Variants in WIPF3 observed in about 807,000 individuals in gnomAD.
The protein encoded by WIPF3 is WAS/WASL-interacting protein family member 3.
A neutral mutation model predicts 38.9 loss-of-function variants in WIPF3; 33 were observed. That is an observed-to-expected ratio of 0.85 (90% CI 0.64 to 1.14). The LOEUF is 1.14. Ranked by LOEUF, WIPF3 falls within the 50% of genes most tolerant of loss-of-function variation. The pLI is 0.00. For missense variants in WIPF3, 711 were observed against 652.5 expected (o/e 1.09, Z -0.98); for synonymous variants, 324 against 269.3 (o/e 1.20, Z -1.99).
chr7:29,813,230 G>T (rs1222941254), intron 1 of WIPF3, among the ~76,000 whole-genome samples: 3 of 152,102 alleles, frequency 2.0e-5, no homozygotes, highest in African/African-American at 7.2e-5. Flanking sequence ...ACTCATGTGG[G>T]TCCCCAAATT....
chr7:29,884,421 C>T lies in WIPF3; in HGVS notation c.927C>T (p.Pro309=). 1.3e-6 allele frequency: 2 copies of T among 1,519,992 alleles called. No homozygotes were observed. Among genetic ancestry groups the T allele is most frequent in the East Asian group, 2.6e-5 (1 of 38,216 alleles). 94.2% of individuals were successfully genotyped at this position (1,519,992 alleles called of 1,614,324 possible). The change falls in exon 5 of 9, where the codon CCC becomes CCT. Residue 309 remains proline (P), a synonymous_variant. Coordinates refer to ENST00000242140, the MANE Select transcript of WIPF3 (RefSeq NM_001080529.3). The stretch of plus-strand genomic sequence containing the variant: ...CTTGCTCCCCGAGGGCTTCTTTGCC[C>T]GCGCCCCCTTTGCCAGGAGTTAATA... ...YASCSPRASL[P]APPLPGVNSS...
intron 7 of WIPF3, among the ~76,000 whole-genome samples, chr7:29,899,438 G>A (rs941765576): frequency 1.1e-4 from 17 of 152,102 alleles, no homozygotes; most frequent in Admixed American, 6.5e-5. Context: ...GTCTGCCTCC[G>A]CAGTACAGTG....
chr7:29,826,428 T>A (rs952324064), intron 1 of WIPF3, among the ~76,000 whole-genome samples: 1 of 152,188 alleles, frequency 6.6e-6, no homozygotes, highest in Non-Finnish European at 1.5e-5. Flanking sequence ...CACCCTCCAC[T>A]GGAGTTTGGT....
At chr7:29,903,148 G>A (rs942659617) in intron 7 of WIPF3, among the ~76,000 whole-genome samples, 1 of 152,000 alleles carries the variant, frequency 6.6e-6, no homozygotes, top group African/African-American at 2.4e-5. Flanking sequence ...TTAAAAGTTA[G>A]CTGAATGTGG....
intron 2 of WIPF3, among the ~76,000 whole-genome samples, chr7:29,850,931 A>T (rs1265910686): frequency 1.3e-5 from 2 of 152,182 alleles, no homozygotes; most frequent in East Asian, 3.8e-4. Flanking sequence ...TGGAAATAAT[A>T]ATACCTTTAT....
chr7:29,893,258 G>A (rs1418302474), intron 7 of WIPF3, among the ~76,000 whole-genome samples: 1 of 152,088 alleles, frequency 6.6e-6, no homozygotes, highest in African/African-American at 2.4e-5. Context: ...TCAGGGGGAG[G>A]TGATGGGATT....
chr7:29,903,332 C>A (rs186416579), intron 7 of WIPF3, among the ~76,000 whole-genome samples: 2 of 152,158 alleles, frequency 1.3e-5, no homozygotes, highest in African/African-American at 4.8e-5. Context: ...AATAAAAAAA[C>A]AGGTGCTTAG....
In WIPF3 at chr7:29,858,451, T is replaced by C. The variant is rs1209285382; in HGVS notation, c.91-17379T>C. 3.9e-5 allele frequency among the ~76,000 whole-genome samples: 6 copies of C among 152,192 alleles called. No individual in the cohort carries two copies. The East Asian group carries it at 1.2e-3, about 29-fold the overall frequency. ...CAGCCCACACCACTCTCATTACATA[T>C]AGCCTCAATCAGCAGGCCTAATTTT... On this transcript the variant is annotated intron_variant, in intron 2 of 8. Transcript: ENST00000242140.
intron 2 of WIPF3, among the ~76,000 whole-genome samples, chr7:29,842,645 G>T (rs1784931236): frequency 6.6e-6 from 1 of 152,228 alleles, no homozygotes; most frequent in East Asian, 1.9e-4. Context: ...ACATGCTGGG[G>T]TGCATGCAGT....
chr7:29,863,145 A>C (rs1179813809), intron 2 of WIPF3, among the ~76,000 whole-genome samples: 3 of 152,206 alleles, frequency 2.0e-5, no homozygotes, highest in Non-Finnish European at 4.4e-5. Context: ...ACACATGCAT[A>C]GATTTATGTA....
chr7:29,814,334 G>A (rs1410364207), intron 1 of WIPF3, among the ~76,000 whole-genome samples: 2 of 152,064 alleles, frequency 1.3e-5, no homozygotes, highest in African/African-American at 2.4e-5. Context: ...GTAACCTTCA[G>A]TAAGTGTTAC....
rs1784577302 is a variant in WIPF3, at chr7:29,823,903, A to G, written c.-57-10765A>G. ...TTCCCTGAGGCCTCCCCAGAAGCAG[A>G]TGCCGTTATGCTTCCTGTACAGCCT... On this transcript the variant is annotated intron_variant, in intron 1 of 8. Transcript: ENST00000242140. This position sits in a 1 kb window ranked among gnomAD's most constrained non-coding sequence, Gnocchi z 4.0. Among the ~76,000 whole-genome samples the G allele has an allele frequency of 6.6e-6, 1 of 152,192 alleles. No individual in the cohort carries two copies.
chr7:29,908,510 T>C (rs6462185), intron 8 of WIPF3, among the ~76,000 whole-genome samples: 72,122 of 152,016 alleles, frequency 0.47, 18,713 homozygotes, highest in East Asian at 0.78. Flanking sequence ...TACAGTACAG[T>C]CTACCCAACA....
At chr7:29,902,200 T>C (rs563375709) in intron 7 of WIPF3, among the ~76,000 whole-genome samples, 5 of 151,354 alleles carry the variant, frequency 3.3e-5, no homozygotes, top group Non-Finnish European at 5.9e-5. Context: ...CTAAGAACAG[T>C]CATTTCCAAG....
At chr7:29,888,512 T>TGTGTGTGC (rs1554348007) in intron 6 of WIPF3, among the ~76,000 whole-genome samples, 11 of 145,382 alleles carry the variant, frequency 7.6e-5, no homozygotes, top group Admixed American at 2.7e-4. Flanking sequence ...TGTGTGTGCG[T>TGTGTGTGC]GTGTGTGTGT....
intron 1 of WIPF3, among the ~76,000 whole-genome samples, chr7:29,810,195 C>A (rs1454926208): frequency 6.6e-6 from 1 of 152,218 alleles, no homozygotes; most frequent in African/African-American, 2.4e-5. Flanking sequence ...TCTTCATACT[C>A]CTTTATCAAA....
chr7:29,867,290 C>T (rs2128071666), intron 2 of WIPF3, among the ~76,000 whole-genome samples: 1 of 152,246 alleles, frequency 6.6e-6, no homozygotes, highest in Non-Finnish European at 1.5e-5. Flanking sequence ...GCCATAGGGA[C>T]CTTTGAGGTT....
rs150659345 is a variant in WIPF3, at chr7:29,898,089, C to T, written c.1352-6197C>T. Among the ~76,000 whole-genome samples, 496 of 152,322 alleles carry T rather than the reference C, an allele frequency of 3.3e-3. 1 individual carries two copies. Among genetic ancestry groups the T allele is most frequent in the African/African-American group, 0.011 (437 of 41,560 alleles). Reference sequence around the variant, plus strand: ...TCTCCCCTCAGCACCATGGTAAGCGCTCTTACCAAGGCCACCAGTGGAGCT... The same window carrying T: ...TCTCCCCTCAGCACCATGGTAAGCGTTCTTACCAAGGCCACCAGTGGAGCT... On this transcript the variant is annotated intron_variant, in intron 7 of 8. Transcript: ENST00000242140.
At chr7:29,849,027 C>A (rs1363556218) in intron 2 of WIPF3, among the ~76,000 whole-genome samples, 3 of 152,058 alleles carry the variant, frequency 2.0e-5, no homozygotes, top group African/African-American at 4.8e-5. Flanking sequence ...CATTTGAGAT[C>A]AAATATTATA....
Sources: allele counts gnomAD v4.1 joint callset (sites outside exome capture counted in the v4.1 genomes callset), GRCh38; gene constraint gnomAD v4.1.1; non-coding constraint Gnocchi (gnomAD v3.1); transcripts MANE v1.5; gene names NCBI Gene and HGNC (gene_info 2026-07-23, HGNC 2026-07-21).